The following TDRD9 variants were observed in gnomAD, a reference collection of about 807,000 sequenced individuals.
The protein encoded by TDRD9 is ATP-dependent RNA helicase TDRD9.
Under a neutral mutation model 172.6 loss-of-function variants are expected in TDRD9, and 124 were observed. The ratio of observed to expected loss-of-function variants is 0.72; its 90% CI spans 0.62 to 0.83. The LOEUF (loss-of-function observed/expected upper bound fraction) is 0.83, where lower values mean the gene tolerates loss of function less well. TDRD9 is among the 40% of genes least tolerant of loss of function. TDRD9 has a pLI of 0.00. For missense variants in TDRD9, 1,479 were observed against 1,714.1 expected, an observed-to-expected ratio of 0.86 and a Z score of 2.42; for synonymous variants, 619 against 617.1, an observed-to-expected ratio of 1.00 and a Z score of -0.05.
rs772637715 is a variant in TDRD9 at position 104,024,696 on chromosome 14, T to C, written c.2718+16T>C. ...TGTCACAGAGGTAAGGATGAAGTAA[T>C]TGAGCTTTTCCTTCTTCTTAATCTA... is the stretch of plus-strand genomic sequence containing the variant. On this transcript the variant is annotated intron_variant, in intron 25 of 35. Transcript: ENST00000409874. 23 of 1,462,176 alleles carry C rather than the reference T, an allele frequency of 1.6e-5. No homozygotes were observed. The highest frequency in any genetic ancestry group is 2.8e-5 in the African/African-American group (2 of 71,420). The allele number at this position is 1,462,176 out of a possible 1,614,324, so 90.6% of individuals were successfully genotyped here.
chr14:103,985,157 G>A (rs2033614930), intron 7 of TDRD9, among the ~76,000 whole-genome samples: 4 of 152,298 alleles, frequency 2.6e-5, no homozygotes, highest in Middle Eastern at 3.4e-3. Flanking sequence ...TTAAGACTTT[G>A]TGGGGACTGT....
At chr14:103,944,859 C>T (rs2031474761) in intron 1 of TDRD9, among the ~76,000 whole-genome samples, 1 of 152,130 alleles carries the variant, frequency 6.6e-6, no homozygotes, top group Non-Finnish European at 1.5e-5. Flanking sequence ...GCCACCGTGC[C>T]CGGCTTCTTT....
Position 104,032,002 on chromosome 14 carries a change from A to G in TDRD9, c.3439-15A>G, listed in dbSNP as rs2035296868. On this transcript the variant is annotated splice_polypyrimidine_tract_variant and intron_variant, in intron 29 of 35. Coordinates refer to ENST00000409874, the MANE Select transcript of TDRD9 (RefSeq NM_153046.3). The stretch of plus-strand genomic sequence containing the variant: ...CTTGCTTATTGGTAACACTTCCTAT[A>G]TTTTGTGCACGCAGGCAGAACTTCA... 3.3e-6 allele frequency: 5 copies of G among 1,536,160 alleles called. No homozygotes were observed. Among genetic ancestry groups the G allele is most frequent in the Non-Finnish European group, 4.4e-6 (5 of 1,139,890 alleles).
intron 13 of TDRD9, among the ~76,000 whole-genome samples, chr14:104,000,361 G>T (rs2034220185): frequency 6.6e-6 from 1 of 150,444 alleles, no homozygotes; most frequent in Non-Finnish European, 1.5e-5. Flanking sequence ...AGTCACAGAG[G>T]TTCTCATCAC....
At chr14:103,973,230 A>G (rs1035715191) in intron 6 of TDRD9, among the ~76,000 whole-genome samples, 2 of 152,242 alleles carry the variant, frequency 1.3e-5, no homozygotes, top group Non-Finnish European at 2.9e-5. Flanking sequence ...CCAAGAAATT[A>G]GACACCATAT....
intron 1 of TDRD9, among the ~76,000 whole-genome samples, chr14:103,947,573 C>T (rs1346956119): frequency 2.0e-5 from 3 of 152,104 alleles, no homozygotes; most frequent in Non-Finnish European, 4.4e-5. Context: ...GTGATCCACC[C>T]GCCTTGGCCT....
Position 103,949,451 on chromosome 14 carries a change from A to C in TDRD9, c.216-6213A>C, listed in dbSNP as rs555539420. On this transcript the variant is annotated intron_variant, in intron 1 of 35. Transcript: ENST00000409874. The stretch of plus-strand genomic sequence containing the variant: ...TTTTTCAGGGGAGTAAATCCTCCAA[A>C]CAAAAACAATCCAAAATATAGTCAG... Among the ~76,000 whole-genome samples, 44 of 152,346 alleles carry C rather than the reference A, an allele frequency of 2.9e-4. No individual in the cohort carries two copies. The South Asian group carries it at 4.6e-3, about 16-fold the overall frequency.
intron 32 of TDRD9, among the ~76,000 whole-genome samples, chr14:104,038,046 A>G (rs1021300538): frequency 6.6e-6 from 1 of 152,162 alleles, no homozygotes; most frequent in Admixed American, 6.5e-5. Context: ...TGGTGTAGTG[A>G]CAAGAACACT....
intron 1 of TDRD9, among the ~76,000 whole-genome samples, chr14:103,952,210 ATATATATATATTTTTTTTTTTTTTTT>A (rs2031938711): frequency 1.4e-5 from 1 of 72,656 alleles, no homozygotes; most frequent in African/African-American, 7.5e-5. Flanking sequence ...ATATATATAT[ATATATATATATTTTTTTTTTTTTTTT>A]TTTTTTTTTT....
chr14:103,985,985 C>G (rs1056182304), intron 7 of TDRD9, among the ~76,000 whole-genome samples: 2 of 152,184 alleles, frequency 1.3e-5, no homozygotes, highest in Non-Finnish European at 2.9e-5. Flanking sequence ...CATTCTTGCT[C>G]TGGTGACTAG....
chr14:104,049,144 G>A (rs560156175), intron 34 of TDRD9, among the ~76,000 whole-genome samples: 18 of 151,474 alleles, frequency 1.2e-4, no homozygotes, highest in Middle Eastern at 3.4e-3. Context: ...GTGTGTGTGT[G>A]TGTATGTATG....
chr14:103,930,728 T>G (rs2030330311), intron 1 of TDRD9, among the ~76,000 whole-genome samples: 1 of 152,216 alleles, frequency 6.6e-6, no homozygotes, highest in African/African-American at 2.4e-5. Flanking sequence ...TAAATGATCC[T>G]GTGGGCCGCC....
At chr14:104,024,729 C>A in intron 25 of TDRD9, 49 bp downstream of exon 25, 4 of 967,196 alleles carry the variant, frequency 4.1e-6, no homozygotes, top group Non-Finnish European at 6.6e-6. Context: ...CTAAAATCAT[C>A]ATGTTGTATA....
intron 20 of TDRD9, among the ~76,000 whole-genome samples, chr14:104,012,901 G>A (rs556490561): frequency 6.6e-6 from 1 of 152,188 alleles, no homozygotes; most frequent in South Asian, 2.1e-4. Context: ...GCCCTGAAAT[G>A]TTTTTAAATA....
At chr14:104,024,316 T>C (rs867995593) in intron 24 of TDRD9, among the ~76,000 whole-genome samples, 1 of 152,192 alleles carries the variant, frequency 6.6e-6, no homozygotes, top group Non-Finnish European at 1.5e-5. Flanking sequence ...AGTCTTGGCC[T>C]TCACAATTAT....
intron 8 of TDRD9, among the ~76,000 whole-genome samples, chr14:103,987,264 C>A (rs74791876): frequency 6.6e-6 from 1 of 152,090 alleles, no homozygotes; most frequent in South Asian, 2.1e-4. Context: ...AGTATGTATC[C>A]TTTTCATGTT....
chr14:103,987,939 A>G (rs995025607), intron 8 of TDRD9, among the ~76,000 whole-genome samples: 17 of 152,176 alleles, frequency 1.1e-4, no homozygotes, highest in African/African-American at 4.1e-4. Context: ...TGCTAGATGC[A>G]TATATGTTTA....
chr14:103,998,394 C>T (rs1434399831), intron 12 of TDRD9, among the ~76,000 whole-genome samples: 6 of 152,142 alleles, frequency 3.9e-5, no homozygotes, highest in African/African-American at 7.2e-5. Context: ...TTGGGTCTTA[C>T]GGGTTATGCA....
intron 6 of TDRD9, among the ~76,000 whole-genome samples, chr14:103,971,046 T>G (rs1054995706): frequency 2.6e-5 from 4 of 151,506 alleles, no homozygotes; most frequent in East Asian, 3.9e-4. Flanking sequence ...TGCAGTGGCG[T>G]GATCTCGGCT....
Sources: gnomAD v4.1 joint callset for allele counts (sites outside exome capture counted in the v4.1 genomes callset) on GRCh38, gnomAD v4.1.1 for gene constraint, MANE v1.5 for transcripts, NCBI Gene and HGNC (gene_info 2026-07-23, HGNC 2026-07-21) for gene names.